Variants in ALDH1A2 observed in about 807,000 individuals in gnomAD.
ALDH1A2 encodes the protein aldehyde dehydrogenase 1 family member A2.
A neutral mutation model predicts 60.3 loss-of-function variants in ALDH1A2; 27 were observed. The observed-to-expected ratio is 0.45, with a 90% confidence interval of 0.33 to 0.62. The LOEUF is 0.62. Among genes scored for constraint, ALDH1A2 ranks in the 20% least tolerant of loss-of-function variants. ALDH1A2 has a pLI of 0.02. For missense variants in ALDH1A2, 581 were observed against 643.8 expected (o/e 0.90, Z 1.06); for synonymous variants, 289 against 232.4 (o/e 1.24, Z -2.21).
rs143734364 is a variant in ALDH1A2 at position 58,045,573 on chromosome 15, G to C, written c.117+19961C>G. ...GGAATACTATGCAGCCATAAAAAAG[G>C]ATGAGTTCATGTCCTTTGCAGGGAC... On this transcript the variant is annotated intron_variant, in intron 1 of 12. Transcript: ENST00000249750. Among the ~76,000 whole-genome samples the C allele has an allele frequency of 9.9e-5, 15 of 152,190 alleles. No homozygotes were observed. In the East Asian group the frequency reaches 2.7e-3, roughly 28 times the overall value.
chr15:57,995,443 A>C (rs1480315184), intron 4 of ALDH1A2, among the ~76,000 whole-genome samples: 2 of 152,054 alleles, frequency 1.3e-5, no homozygotes, highest in Admixed American at 6.6e-5. Flanking sequence ...AAAAATATGT[A>C]AAAATTGAAT....
At position 57,954,276 on chromosome 15, in the gene ALDH1A2, C is replaced by G. The variant is rs80028556; in HGVS notation, c.*921G>C. On this transcript the variant is annotated 3_prime_UTR_variant, in exon 13 of 13. Transcript: ENST00000249750. ...ATAATTCATTTAATAATAATTGTTGCCCAATATTAGAAACTGAATGATGTC... is the reference window on the plus strand; with the variant it reads ...ATAATTCATTTAATAATAATTGTTGGCCAATATTAGAAACTGAATGATGTC... 1,220 of 152,570 alleles carry G rather than the reference C, an allele frequency of 8.0e-3. 8 individuals are homozygous for G. Among genetic ancestry groups the G allele is most frequent in the Non-Finnish European group, 0.013 (886 of 68,026 alleles). 9.5% of individuals were successfully genotyped at this position (152,570 alleles called of 1,614,324 possible). A position where few individuals can be genotyped will look rare whatever the true frequency, so the allele number is the denominator to read the frequency against.
At chr15:58,023,658 G>GAA (rs57467358) in intron 1 of ALDH1A2, among the ~76,000 whole-genome samples, 18 of 129,424 alleles carry the variant, frequency 1.4e-4, no homozygotes, top group African/African-American at 4.6e-4. Flanking sequence ...AAAGTGCTGG[G>GAA]AAAAAAAAAA....
intron 8 of ALDH1A2, 143 bp from the exon 9 acceptor site, chr15:57,964,212 C>T (rs1596067177): frequency 5.0e-6 from 4 of 804,116 alleles, no homozygotes; most frequent in Non-Finnish European, 7.9e-6. Flanking sequence ...ATTGGGAATG[C>T]AACTAGTTCT....
chr15:58,032,815 C>CACAT (rs397977154), intron 1 of ALDH1A2, among the ~76,000 whole-genome samples: 1 of 151,720 alleles, frequency 6.6e-6, no homozygotes, highest in Non-Finnish European at 1.5e-5. Context: ...CACACACACA[C>CACAT]GTGCGTACCC....
At chr15:57,973,191 GTTTTCCTGTACTTTATTGA>G (rs1894129125) in intron 7 of ALDH1A2, among the ~76,000 whole-genome samples, 1 of 152,124 alleles carries the variant, frequency 6.6e-6, no homozygotes, top group Non-Finnish European at 1.5e-5. Flanking sequence ...AATGCATATT[GTTTTCCTGTACTTTATTGA>G]AGTTGTTTAT....
chr15:58,027,656 G>C (rs543616212), intron 1 of ALDH1A2, among the ~76,000 whole-genome samples: 1 of 152,128 alleles, frequency 6.6e-6, no homozygotes, highest in Admixed American at 6.5e-5. Context: ...CCTTGAAAAA[G>C]GTTAGATGAA....
rs1397319085 is a variant in ALDH1A2, at chr15:58,027,628, TCA to T, written c.118-13349_118-13348del. 4.6e-5 allele frequency among the ~76,000 whole-genome samples: 7 copies of T among 152,116 alleles called. No individual in the cohort carries two copies. The East Asian group carries it at 1.4e-3, about 29-fold the overall frequency. On this transcript the variant is annotated intron_variant, in intron 1 of 12. Coordinates refer to ENST00000249750, the MANE Select transcript of ALDH1A2 (RefSeq NM_003888.4). ...AGCTAAAGGAGCATGTTCTAACCCA[TCA>T]CAAGAAATCTAAAAACCTTGAAAAA...
intron 1 of ALDH1A2, among the ~76,000 whole-genome samples, chr15:58,042,691 C>G (rs1163477507): frequency 3.3e-5 from 5 of 151,840 alleles, no homozygotes; most frequent in African/African-American, 1.2e-4. Flanking sequence ...GAAGTTAAGA[C>G]AAATAGTTTT....
intron 9 of ALDH1A2, among the ~76,000 whole-genome samples, chr15:57,963,349 T>A (rs1423523993): frequency 6.1e-5 from 9 of 147,766 alleles, no homozygotes; most frequent in Admixed American, 5.4e-4. Context: ...AGAATATTCT[T>A]TTTTTTTTTT....
chr15:58,000,720 T>C lies in ALDH1A2; in HGVS notation c.494-5581A>G, dbSNP rs114005808. 2.1e-3 allele frequency among the ~76,000 whole-genome samples: 320 copies of C among 152,032 alleles called. 4 individuals carry two copies. Among genetic ancestry groups the C allele is most frequent in the African/African-American group, 7.2e-3 (299 of 41,514 alleles). ...ATATGGTGATTCTCAAACTTGAATG[T>C]ACACACTAAGCAACTGGAGATCTCG... is the stretch of plus-strand genomic sequence containing the variant. On this transcript the variant is annotated intron_variant, in intron 4 of 12. Transcript: ENST00000249750.
At chr15:58,006,110 T>C (rs1398689757) in intron 4 of ALDH1A2, among the ~76,000 whole-genome samples, 4 of 151,890 alleles carry the variant, frequency 2.6e-5, no homozygotes, top group African/African-American at 9.7e-5. Context: ...TTCCAAGATT[T>C]TGGTGCATCT....
chr15:58,024,629 C>G (rs1176073176), intron 1 of ALDH1A2, among the ~76,000 whole-genome samples: 1 of 152,186 alleles, frequency 6.6e-6, no homozygotes, highest in Non-Finnish European at 1.5e-5. Context: ...AACACCCTCA[C>G]TGTCAGCACT....
intron 4 of ALDH1A2, among the ~76,000 whole-genome samples, chr15:58,004,178 G>A (rs971842166): frequency 1.1e-4 from 17 of 151,706 alleles, no homozygotes; most frequent in African/African-American, 3.1e-4. Flanking sequence ...TACCCTTTAC[G>A]GGGAGAAATT....
intron 4 of ALDH1A2, among the ~76,000 whole-genome samples, chr15:58,001,936 A>C (rs1372314650): frequency 6.6e-6 from 1 of 151,950 alleles, no homozygotes; most frequent in African/African-American, 2.4e-5. Flanking sequence ...AGAAAACTAA[A>C]GAAAAGATGA....
chr15:58,053,844 T>C (rs755101405), intron 1 of ALDH1A2, among the ~76,000 whole-genome samples: 14 of 152,112 alleles, frequency 9.2e-5, no homozygotes, highest in Non-Finnish European at 2.1e-4. Context: ...TCAGTACAAA[T>C]ACCTATCAGC....
chr15:58,030,476 G>C (rs536342702), intron 1 of ALDH1A2, among the ~76,000 whole-genome samples: 1 of 152,188 alleles, frequency 6.6e-6, no homozygotes, highest in South Asian at 2.1e-4. Flanking sequence ...TTGAAAACTG[G>C]CACAAGACAA....
chr15:57,987,681 CCATCCTGGCTAACATGG>C (rs1894749894), intron 7 of ALDH1A2, among the ~76,000 whole-genome samples: 1 of 151,986 alleles, frequency 6.6e-6, no homozygotes, highest in Non-Finnish European at 1.5e-5. Flanking sequence ...GAGATCCAGA[CCATCCTGGCTAACATGG>C]TGGAACCCCG....
chr15:58,032,220 C>G (rs1377893024), intron 1 of ALDH1A2, among the ~76,000 whole-genome samples: 5 of 151,964 alleles, frequency 3.3e-5, no homozygotes, highest in Non-Finnish European at 7.4e-5. Flanking sequence ...ATGGATGAAG[C>G]TGGAAACCAT....
Sources: gnomAD v4.1 joint callset for allele counts (sites outside exome capture counted in the v4.1 genomes callset) on GRCh38, gnomAD v4.1.1 for gene constraint, MANE v1.5 for transcripts, NCBI Gene and HGNC (gene_info 2026-07-23, HGNC 2026-07-21) for gene names.